Variants in HCCS observed in about 807,000 individuals in gnomAD.
HCCS encodes holocytochrome c synthase.
Under a neutral mutation model 24.2 loss-of-function variants are expected in HCCS, and 2 were observed. That is an observed-to-expected ratio of 0.08 (90% CI 0.03 to 0.26). The LOEUF (loss-of-function observed/expected upper bound fraction) is 0.26, where lower values mean the gene tolerates loss of function less well. HCCS is among the 10% of genes least tolerant of loss of function. The pLI is 1.00. For missense variants in HCCS, 150 were observed against 213.3 expected (o/e 0.70, Z 1.85); for synonymous variants, 73 against 76.2 (o/e 0.96, Z 0.22).
At chrX:11,118,473 T>C in intron 4 of HCCS, 28 bp from the exon 5 acceptor site, 1 of 1,184,792 alleles carries the variant, frequency 8.4e-7, no homozygotes, top group Non-Finnish European at 1.1e-6. Flanking sequence ...GGAACAGTTG[T>C]CAAATTTTAC....
intron 3 of HCCS, among the ~76,000 whole-genome samples, chrX:11,116,367 C>T (rs1016630503): frequency 8.9e-6 from 1 of 112,592 alleles, no homozygotes; most frequent in African/African-American, 3.2e-5. Flanking sequence ...AGAGCCAAAA[C>T]TGAATCCTTA....
At chrX:11,115,263 G>A (rs2045439797) in intron 3 of HCCS, among the ~76,000 whole-genome samples, 1 of 112,054 alleles carries the variant, frequency 8.9e-6, no homozygotes, top group African/African-American at 3.3e-5. Context: ...GTTACTAGGT[G>A]GTAGATGGGA....
At chrX:11,118,996 C>T (rs1245128108) in intron 5 of HCCS, among the ~76,000 whole-genome samples, 8 of 111,291 alleles carry the variant, frequency 7.2e-5, no homozygotes, top group Non-Finnish European at 1.1e-4. Flanking sequence ...TGGCTGTTTT[C>T]GGCTTCGTCA....
chrX:11,113,212 G>A (rs2045425101), intron 2 of HCCS, among the ~76,000 whole-genome samples: 1 of 112,000 alleles, frequency 8.9e-6, no homozygotes, highest in Non-Finnish European at 1.9e-5. Flanking sequence ...GAGTACTAAT[G>A]TTTGCGCTGT....
intron 3 of HCCS, chrX:11,115,995 T>C (rs2045445231): frequency 8.9e-6 from 1 of 112,007 alleles, no homozygotes; most frequent in African/African-American, 3.3e-5. Flanking sequence ...TTTGGAACCT[T>C]ACAGACCTAG....
chrX:11,120,954 A>G lies in HCCS; in HGVS notation c.569A>G (p.Lys190Arg), dbSNP rs1399860848. 1.7e-6 allele frequency: 2 copies of G among 1,208,580 alleles called. No individual in the cohort carries two copies. Among genetic ancestry groups the G allele is most frequent in the Admixed American group, 4.4e-5 (2 of 45,821 alleles). The change falls in exon 6 of 7, where the codon AAA (lysine) becomes AGA (arginine). Residue 190 changes from lysine to arginine, a missense_variant. Lys to Arg is a conservative substitution (Grantham distance 26). This residue lies in a region of HCCS where 55 missense variants were observed against 134.2 expected (regional missense o/e 0.41). Coordinates refer to ENST00000380762, the MANE Select transcript of HCCS (RefSeq NM_005333.5). ...PSLIRFGGKA[K>R]EYSPRARIRS... Reference sequence around the variant, plus strand: ...TTGATCCGGTTTGGAGGGAAAGCAAAAGAGTATTCACCAAGGGCACGAATT... The same window carrying G: ...TTGATCCGGTTTGGAGGGAAAGCAAGAGAGTATTCACCAAGGGCACGAATT...
At position 11,111,431 on chromosome X, in the gene HCCS, C is replaced by T. The variant is rs2045407564; in HGVS notation, c.-130C>T. 6.5e-6 allele frequency: 1 copy of T among 153,515 alleles called. No homozygotes were observed. Among genetic ancestry groups the T allele is most frequent in the Non-Finnish European group, 1.2e-5 (1 of 80,332 alleles). 12.7% of individuals were successfully genotyped at this position (153,515 alleles called of 1,213,427 possible). A position where few individuals can be genotyped will look rare whatever the true frequency, so the allele number is the denominator to read the frequency against. ...GGTTGGCGACTGAAGGCGGTACCGGCCTCCCGGAACAGCCCGGGGGAGGGC... is the reference window on the plus strand; with the variant it reads ...GGTTGGCGACTGAAGGCGGTACCGGTCTCCCGGAACAGCCCGGGGGAGGGC... On this transcript the variant is annotated 5_prime_UTR_variant, in exon 1 of 7. Transcript: ENST00000380762.
rs752336640 is a variant in HCCS, at chrX:11,121,841, A to AT, written c.*38dup. The AT allele has an allele frequency of 4.5e-6, 5 of 1,120,005 alleles. No homozygotes were observed. Among genetic ancestry groups the AT allele is most frequent in the South Asian group, 1.9e-5 (1 of 54,030 alleles). The allele number at this position is 1,120,005 out of a possible 1,213,427, so 92.3% of individuals were successfully genotyped here. On this transcript the variant is annotated 3_prime_UTR_variant, in exon 7 of 7. Coordinates refer to ENST00000380762, the MANE Select transcript of HCCS (RefSeq NM_005333.5). ...TGTTTCAGATGGAAAAATATAAACTATTTTTTTCTGAGCGATACATTAAAC... is the reference window on the plus strand; with the variant it reads ...TGTTTCAGATGGAAAAATATAAACTATTTTTTTTCTGAGCGATACATTAAAC...
At chrX:11,113,749 T>C (rs2045429391) in intron 2 of HCCS, among the ~76,000 whole-genome samples, 2 of 112,019 alleles carry the variant, frequency 1.8e-5, no homozygotes, top group Admixed American at 9.4e-5. Context: ...GAAATGTTAT[T>C]TTCTTTGTAA....
chrX:11,115,124 G>A, intron 3 of HCCS, 138 bp downstream of exon 3: 1 of 578,861 alleles, frequency 1.7e-6, no homozygotes, highest in South Asian at 2.5e-5. Flanking sequence ...TATCTACAGT[G>A]AAAATCTAGA....
chrX:11,112,671 G>A (rs750396304), intron 2 of HCCS, among the ~76,000 whole-genome samples: 35 of 112,744 alleles, frequency 3.1e-4, no homozygotes, highest in Non-Finnish European at 5.1e-4. Context: ...TGTTTCACAG[G>A]CCTGTCATGA....
chrX:11,111,701 C>T (rs2045409628), intron 1 of HCCS, among the ~76,000 whole-genome samples, 183 bp downstream of exon 1: 2 of 111,843 alleles, frequency 1.8e-5, no homozygotes, highest in South Asian at 7.5e-4. Context: ...CCACCCGGGT[C>T]ACCACTCCTC....
At position 11,121,756 on chromosome X, in the gene HCCS, A is replaced by T. The variant is rs1370850553; in HGVS notation, c.753A>T (p.Ser251=). ...TGGACGTCCGTCCTGCCTTAGATTC[A>T]CTTTCGGCAGTATGGGACAGAATGA... The part of the protein sequence containing the change: ...TILDVRPALD[S]LSAVWDRMKV... Residue 251 remains serine (S), a synonymous_variant, in exon 7 of 7, where the codon TCA becomes TCT. Transcript: ENST00000380762. The T allele has an allele frequency of 8.3e-7, 1 of 1,211,252 alleles. No homozygotes were observed. The highest frequency in any genetic ancestry group is 1.1e-6 in the Non-Finnish European group (1 of 895,109).
chrX:11,120,286 C>G (rs1031505722), intron 5 of HCCS, among the ~76,000 whole-genome samples: 2 of 111,181 alleles, frequency 1.8e-5, no homozygotes, highest in African/African-American at 6.6e-5. Flanking sequence ...TATAGCAGGT[C>G]AGTGCCCTGC....
At chrX:11,113,291 A>T (rs966494610) in intron 2 of HCCS, among the ~76,000 whole-genome samples, 1 of 112,183 alleles carries the variant, frequency 8.9e-6, no homozygotes, top group East Asian at 2.8e-4. Context: ...GCATTGCTGG[A>T]TTTTGTTTGT....
chrX:11,115,738 A>G (rs1297407582), intron 3 of HCCS, among the ~76,000 whole-genome samples: 1 of 112,375 alleles, frequency 8.9e-6, no homozygotes, highest in African/African-American at 3.2e-5. Flanking sequence ...ACAATGCACC[A>G]AGATTATCTT....
At chrX:11,119,284 A>G (rs1406150859) in intron 5 of HCCS, among the ~76,000 whole-genome samples, 4 of 112,187 alleles carry the variant, frequency 3.6e-5, no homozygotes, top group African/African-American at 9.7e-5. Context: ...AAACACAAAG[A>G]GATGTCTTAA....
chrX:11,121,076 T>C lies in HCCS; in HGVS notation c.608+83T>C, dbSNP rs1236471748. On this transcript the variant is annotated intron_variant, in intron 6 of 6. Coordinates refer to ENST00000380762, the MANE Select transcript of HCCS (RefSeq NM_005333.5). ...TTCACACCAAAACCAGTCTAAGAAT[T>C]GCAGTGCCATCTTGCAAAACTTAAT... The C allele has an allele frequency of 2.3e-5, 17 of 751,460 alleles. No homozygotes were observed. In the East Asian group the frequency reaches 5.4e-4, roughly 24 times the overall value. 61.9% of individuals were successfully genotyped at this position (751,460 alleles called of 1,213,427 possible). A position where few individuals can be genotyped will look rare whatever the true frequency, so the allele number is the denominator to read the frequency against.
chrX:11,121,509 G>T, intron 6 of HCCS, 103 bp from the exon 7 acceptor site: 1 of 639,479 alleles, frequency 1.6e-6, no homozygotes, highest in Middle Eastern at 3.0e-4. Flanking sequence ...TTAGGTGTTT[G>T]GGAGCAGGTG....
Sources: gnomAD v4.1 joint callset for allele counts (sites outside exome capture counted in the v4.1 genomes callset) on GRCh38, gnomAD v4.1.1 for gene constraint, gnomAD v4.1.1 regional missense constraint, MANE v1.5 for transcripts, NCBI Gene and HGNC (gene_info 2026-07-23, HGNC 2026-07-21) for gene names.